Variants in DNAJC8 observed in about 807,000 individuals in gnomAD.
DNAJC8 encodes dnaJ homolog subfamily C member 8.
A neutral mutation model predicts 43.2 loss-of-function variants in DNAJC8; 24 were observed. The ratio of observed to expected loss-of-function variants is 0.56; its 90% CI spans 0.40 to 0.78. DNAJC8 has a LOEUF of 0.78. DNAJC8 is among the 30% of genes least tolerant of loss of function. The pLI is 0.00. For synonymous variants in DNAJC8, 83 were observed against 98.0 expected, an observed-to-expected ratio of 0.85 and a Z score of 0.90; for missense variants, 207 against 299.4, an observed-to-expected ratio of 0.69 and a Z score of 2.28.
chr1:28,207,144 G>A (rs1019000705), intron 6 of DNAJC8, among the ~76,000 whole-genome samples: 7 of 151,586 alleles, frequency 4.6e-5, no homozygotes, highest in African/African-American at 1.5e-4. Context: ...TTGGGAGGCC[G>A]AGGAGGGCAG....
chr1:28,230,932 C>T (rs541622841), intron 1 of DNAJC8, among the ~76,000 whole-genome samples: 1 of 152,214 alleles, frequency 6.6e-6, no homozygotes, highest in Non-Finnish European at 1.5e-5. Flanking sequence ...TGCTGGGGGG[C>T]AACTCCATTC....
intron 2 of DNAJC8, among the ~76,000 whole-genome samples, chr1:28,217,849 G>C (rs951421866): frequency 6.6e-6 from 1 of 151,860 alleles, no homozygotes; most frequent in Non-Finnish European, 1.5e-5. Context: ...TTTGCTGTGT[G>C]TATTTGGGGA....
chr1:28,231,412 T>C (rs1646973698), intron 1 of DNAJC8, among the ~76,000 whole-genome samples: 1 of 152,248 alleles, frequency 6.6e-6, no homozygotes. Flanking sequence ...GCAAAATTAA[T>C]GTCTTGAACA....
chr1:28,229,043 A>G lies in DNAJC8; in HGVS notation c.79-20T>C, dbSNP rs764052598. The G allele has an allele frequency of 6.3e-7, 1 of 1,586,634 alleles. No homozygotes were observed. Among genetic ancestry groups the G allele is most frequent in the Non-Finnish European group, 8.6e-7 (1 of 1,156,298 alleles). ...TTTCACCTAAAATTATGAGGATTAA[A>G]AACTTCATTAATAGAATTCAATAAC... On this transcript the variant is annotated intron_variant, in intron 1 of 8. Coordinates refer to ENST00000263697, the MANE Select transcript of DNAJC8 (RefSeq NM_014280.3).
At chr1:28,217,915 G>A (rs1024621891) in intron 2 of DNAJC8, among the ~76,000 whole-genome samples, 3 of 151,708 alleles carry the variant, frequency 2.0e-5, no homozygotes, top group South Asian at 2.1e-4. Context: ...TAGTATAGTG[G>A]TTCTTTAGTT....
chr1:28,206,128 G>A (rs551612506), intron 6 of DNAJC8, among the ~76,000 whole-genome samples: 1 of 152,186 alleles, frequency 6.6e-6, no homozygotes, highest in African/African-American at 2.4e-5. Context: ...GGAGGTCAAG[G>A]CTGCAGTGAG....
chr1:28,200,790 G>A lies in DNAJC8; in HGVS notation c.*458C>T, dbSNP rs989098067. The A allele has an allele frequency of 2.7e-5, 11 of 401,734 alleles. No individual in the cohort carries two copies. Among genetic ancestry groups the A allele is most frequent in the East Asian group, 7.1e-5 (1 of 14,068 alleles). 24.9% of individuals were successfully genotyped at this position (401,734 alleles called of 1,614,324 possible). ...TGTTCCCTGTCTTATCTGGGCCTTC[G>A]AAGGGAGCACACCCAGAAGCGAGCA... is the stretch of plus-strand genomic sequence containing the variant. On this transcript the variant is annotated 3_prime_UTR_variant, in exon 9 of 9. Coordinates refer to ENST00000263697, the MANE Select transcript of DNAJC8 (RefSeq NM_014280.3).
intron 2 of DNAJC8, among the ~76,000 whole-genome samples, chr1:28,217,605 G>C (rs754769162): frequency 4.6e-5 from 7 of 151,992 alleles, no homozygotes; most frequent in Admixed American, 2.0e-4. Context: ...TTACAGACGA[G>C]GGGCTGTAAC....
chr1:28,220,355 T>C (rs184682863), intron 2 of DNAJC8, among the ~76,000 whole-genome samples: 2 of 152,348 alleles, frequency 1.3e-5, no homozygotes, highest in South Asian at 2.1e-4. Flanking sequence ...TACCAACTTG[T>C]AGAGCACAAA....
At position 28,201,379 on chromosome 1, in the gene DNAJC8, A is replaced by C. The variant is rs1448847831; in HGVS notation, c.640-9T>G. 19 of 1,613,906 alleles carry C rather than the reference A, an allele frequency of 1.2e-5. No homozygotes were observed. The highest frequency in any genetic ancestry group is 1.6e-5 in the Non-Finnish European group (19 of 1,180,014). ...CGACCATCTCGACTTTCCTAAGTAC[A>C]AAAGAAGTTTGAGGTGAGGAGACCA... On this transcript the variant is annotated splice_polypyrimidine_tract_variant and intron_variant, in intron 8 of 8. Coordinates refer to ENST00000263697, the MANE Select transcript of DNAJC8 (RefSeq NM_014280.3).
intron 2 of DNAJC8, among the ~76,000 whole-genome samples, chr1:28,216,477 A>G (rs1354215803): frequency 1.3e-5 from 2 of 152,210 alleles, no homozygotes; most frequent in South Asian, 2.1e-4. Flanking sequence ...ACCCTCACAA[A>G]AAAAGCCTCT....
At chr1:28,212,043 C>T (rs528580690) in intron 3 of DNAJC8, among the ~76,000 whole-genome samples, 3 of 150,844 alleles carry the variant, frequency 2.0e-5, no homozygotes, top group South Asian at 2.1e-4. Flanking sequence ...ATAATACCAG[C>T]TACTCAGGAC....
chr1:28,213,342 T>C (rs1557708559), intron 3 of DNAJC8, among the ~76,000 whole-genome samples: 1 of 152,110 alleles, frequency 6.6e-6, no homozygotes, highest in Admixed American at 6.5e-5. Flanking sequence ...ATTAGAAAAT[T>C]TGAAATTTTA....
In DNAJC8 at chr1:28,201,324, T is replaced by C; in HGVS notation, c.686A>G (p.Asn229Ser). Residue 229 changes from asparagine (N) to serine (S), a missense_variant, in exon 9 of 9, where the codon AAT becomes AGT. Asn to Ser is a conservative substitution (Grantham distance 46, BLOSUM62 1). Around this residue, in one of 2 missense-constraint regions of DNAJC8, gnomAD observed 159 missense variants for 267.5 expected, o/e 0.59. Coordinates refer to ENST00000263697, the MANE Select transcript of DNAJC8 (RefSeq NM_014280.3). ...RVDSWRNFQA[N>S]TKGKKEKKNR... ...TTTCTTCTCTTTCTTCCCCTTCGTATTGGCTTGGAAGTTTCGCCAGCTGTC... is the reference window on the plus strand; with the variant it reads ...TTTCTTCTCTTTCTTCCCCTTCGTACTGGCTTGGAAGTTTCGCCAGCTGTC... 1.2e-6 allele frequency: 2 copies of C among 1,613,802 alleles called. No homozygotes were observed. Among genetic ancestry groups the C allele is most frequent in the Non-Finnish European group, 8.5e-7 (1 of 1,180,022 alleles).
chr1:28,231,582 G>A (rs1394494820), intron 1 of DNAJC8, among the ~76,000 whole-genome samples: 1 of 151,894 alleles, frequency 6.6e-6, no homozygotes, highest in South Asian at 2.1e-4. Context: ...AGGCGTGGTG[G>A]CAGGCGCCTG....
chr1:28,205,257 C>T lies in DNAJC8; in HGVS notation c.563+1G>A, dbSNP rs764978107. The T allele has an allele frequency of 6.2e-7, 1 of 1,606,442 alleles. No homozygotes were observed. Among genetic ancestry groups the T allele is most frequent in the Non-Finnish European group, 8.5e-7 (1 of 1,174,944 alleles). Reference sequence around the variant, plus strand: ...GTTTAAATGAATATACTGATATGTACCTTTCATGCATCTCTTTGGCTTCTC... The same window carrying T: ...GTTTAAATGAATATACTGATATGTATCTTTCATGCATCTCTTTGGCTTCTC... On this transcript the variant is annotated splice_donor_variant, in intron 7 of 8. Coordinates refer to ENST00000263697, the MANE Select transcript of DNAJC8 (RefSeq NM_014280.3). LOFTEE classifies it high-confidence loss of function.
chr1:28,228,894 G>A, intron 2 of DNAJC8, 28 bp downstream of exon 2: 2 of 1,580,074 alleles, frequency 1.3e-6, no homozygotes, highest in Non-Finnish European at 1.7e-6. Flanking sequence ...CCCCATTACA[G>A]AGGCCCTAGC....
intron 2 of DNAJC8, among the ~76,000 whole-genome samples, chr1:28,226,219 T>A (rs932686175): frequency 6.6e-6 from 1 of 151,148 alleles, no homozygotes; most frequent in Non-Finnish European, 1.5e-5. Context: ...AAAAACTTTT[T>A]AAAGATCTGG....
At chr1:28,209,859 A>T in intron 5 of DNAJC8, 113 bp downstream of exon 5, 1 of 863,786 alleles carries the variant, frequency 1.2e-6, no homozygotes. Context: ...GAGAGCACAG[A>T]AGTAGCCACA....
Sources: allele counts gnomAD v4.1 joint callset (sites outside exome capture counted in the v4.1 genomes callset), GRCh38; gene constraint gnomAD v4.1.1; regional missense constraint gnomAD v4.1.1; transcripts MANE v1.5; gene names NCBI Gene and HGNC (gene_info 2026-07-23, HGNC 2026-07-21).